The following LAMA3 variants were observed in gnomAD, a reference collection of about 807,000 sequenced individuals.
The protein encoded by LAMA3 is laminin subunit alpha-3.
Under a neutral mutation model 402.0 loss-of-function variants are expected in LAMA3, and 281 were observed. The ratio of observed to expected loss-of-function variants is 0.70; its 90% CI spans 0.63 to 0.77. The LOEUF (loss-of-function observed/expected upper bound fraction) is 0.77, where lower values mean the gene tolerates loss of function less well. Ranked by LOEUF, LAMA3 falls within the 30% of genes least tolerant of loss-of-function variation. The pLI is 0.00. For missense variants in LAMA3, 3,840 were observed against 4,215.5 expected, an observed-to-expected ratio of 0.91 and a Z score of 2.47; for synonymous variants, 1,431 against 1,558.4, an observed-to-expected ratio of 0.92 and a Z score of 1.93.
At chr18:23,721,087 G>T (rs556032242) in intron 2 of LAMA3, among the ~76,000 whole-genome samples, 2 of 152,262 alleles carry the variant, frequency 1.3e-5, no homozygotes, top group Admixed American at 6.5e-5. Flanking sequence ...GAGCCCAGGA[G>T]TTGGAGGCTG....
intron 12 of LAMA3, among the ~76,000 whole-genome samples, chr18:23,790,361 G>T (rs2062627188): frequency 1.3e-5 from 2 of 152,146 alleles, no homozygotes; most frequent in African/African-American, 4.8e-5. Flanking sequence ...TAAATCTCTT[G>T]CAAAGTTCTT....
Position 23,939,436 on chromosome 18 carries a change from G to A in LAMA3, c.9026+50G>A, listed in dbSNP as rs374869225. ...GCACCAGCTCAGAACCTGACTCTGCGATTCCACCTCAGGGAAGTCTGACTG... is the reference window on the plus strand; with the variant it reads ...GCACCAGCTCAGAACCTGACTCTGCAATTCCACCTCAGGGAAGTCTGACTG... On this transcript the variant is annotated intron_variant, in intron 68 of 74. Coordinates refer to ENST00000313654, the MANE Select transcript of LAMA3 (RefSeq NM_198129.4). 209 of 1,580,654 alleles carry A rather than the reference G, an allele frequency of 1.3e-4. 1 individual carries two copies. Among genetic ancestry groups the A allele is most frequent in the Non-Finnish European group, 1.5e-4 (171 of 1,151,228 alleles).
intron 12 of LAMA3, among the ~76,000 whole-genome samples, chr18:23,803,685 G>A (rs2062907948): frequency 1.3e-5 from 2 of 152,174 alleles, no homozygotes; most frequent in African/African-American, 4.8e-5. Context: ...TGAACAACCA[G>A]CACACTGCTC....
At position 23,884,762 on chromosome 18, in the gene LAMA3, CT is replaced by C; in HGVS notation, c.5223-9del. ...TGTTTTTGATGGGGCCTTTTTCTGT[CT>C]TCTTTCAAGCTTTGCCACTGGCTGT... On this transcript the variant is annotated splice_polypyrimidine_tract_variant and intron_variant, in intron 40 of 74. Transcript: ENST00000313654. 1 of 1,612,330 alleles carries C rather than the reference CT, an allele frequency of 6.2e-7. No individual in the cohort carries two copies. The highest frequency in any genetic ancestry group is 2.2e-5 in the East Asian group (1 of 44,858).
intron 11 of LAMA3, among the ~76,000 whole-genome samples, chr18:23,779,913 A>G (rs533665642): frequency 3.2e-4 from 49 of 152,254 alleles, no homozygotes; most frequent in Non-Finnish European, 5.3e-4. Flanking sequence ...GCTGTGCATT[A>G]TTGCACTGTG....
At chr18:23,744,120 G>T (rs931750424) in intron 2 of LAMA3, among the ~76,000 whole-genome samples, 3 of 152,192 alleles carry the variant, frequency 2.0e-5, no homozygotes, top group African/African-American at 4.8e-5. Context: ...ACCTGGCTGT[G>T]AACATAATTA....
Position 23,814,417 on chromosome 18 carries a change from C to G in LAMA3, c.1803C>G (p.Cys601Trp). The G allele has an allele frequency of 6.2e-7, 1 of 1,612,400 alleles. No individual in the cohort carries two copies. Among genetic ancestry groups the G allele is most frequent in the Non-Finnish European group, 8.5e-7 (1 of 1,178,442 alleles). Residue 601 changes from cysteine (C) to tryptophan (W), a missense_variant, in exon 15 of 75, where the codon TGC becomes TGG. Coordinates refer to ENST00000313654, the MANE Select transcript of LAMA3 (RefSeq NM_198129.4). ...TINSNLGYCQ[C>W]KLHVEGPTCS... ...TTCATTCAAAGGGGTATTGCCAATG[C>G]AAGCTTCATGTTGAAGGTCCTACTT... is the stretch of plus-strand genomic sequence containing the variant.
intron 65 of LAMA3, 52 bp downstream of exon 65, chr18:23,931,253 C>T (rs887056852): frequency 1.3e-5 from 21 of 1,556,730 alleles, no homozygotes; most frequent in Non-Finnish European, 1.8e-5. Context: ...TACTCTCTTT[C>T]GTTTAATGGA....
intron 65 of LAMA3, among the ~76,000 whole-genome samples, 198 bp from the exon 66 acceptor site, chr18:23,931,962 C>T (rs1756688440): frequency 6.6e-6 from 1 of 152,186 alleles, no homozygotes; most frequent in Admixed American, 6.5e-5. Context: ...GCAAGATACA[C>T]CCATTTTAAT....
chr18:23,901,986 G>T lies in LAMA3; in HGVS notation c.6201+663G>T, dbSNP rs542518585. The stretch of plus-strand genomic sequence containing the variant: ...TGGGATTACAGGCGTGAGCCACCAT[G>T]CCCGGCCTTATAGTTCATATTTTAA... On this transcript the variant is annotated intron_variant, in intron 48 of 74. Coordinates refer to ENST00000313654, the MANE Select transcript of LAMA3 (RefSeq NM_198129.4). 2.6e-5 allele frequency among the ~76,000 whole-genome samples: 4 copies of T among 152,336 alleles called. No individual in the cohort carries two copies. In the South Asian group the frequency reaches 8.3e-4, roughly 32 times the overall value.
intron 18 of LAMA3, among the ~76,000 whole-genome samples, chr18:23,817,991 T>A (rs934646200): frequency 6.6e-6 from 1 of 151,812 alleles, no homozygotes; most frequent in Non-Finnish European, 1.5e-5. Context: ...CTGTCTCTAC[T>A]AAAAATACAA....
rs2143565753 is a variant in LAMA3 at position 23,750,504 on chromosome 18, C to T, written c.685-414C>T. 2.9e-5 allele frequency among the ~76,000 whole-genome samples: 2 copies of T among 69,248 alleles called. 1 individual carries two copies. Among genetic ancestry groups the T allele is most frequent in the Middle Eastern group, 0.028 (2 of 72 alleles). 45.4% of individuals were successfully genotyped at this position (69,248 alleles called of 152,430 possible). ...GTCAAACTTTATATCTAGAGATTTCCTTTTTTCAACCTCATGTAGATTTTT... is the reference window on the plus strand; with the variant it reads ...GTCAAACTTTATATCTAGAGATTTCTTTTTTTCAACCTCATGTAGATTTTT... On this transcript the variant is annotated intron_variant, in intron 4 of 74. Transcript: ENST00000313654.
At position 23,815,569 on chromosome 18, in the gene LAMA3, T is replaced by A; in HGVS notation, c.2043T>A (p.Cys681Ter). 6.2e-7 allele frequency: 1 copy of A among 1,608,022 alleles called. No individual in the cohort carries two copies. Among genetic ancestry groups the A allele is most frequent in the East Asian group, 2.2e-5 (1 of 44,866 alleles). The change falls in exon 17 of 75, where the codon TGT becomes TGA. Residue 681 changes from cysteine to a stop codon, truncating the protein, a stop_gained. Coordinates refer to ENST00000313654, the MANE Select transcript of LAMA3 (RefSeq NM_198129.4). LOFTEE classifies it high-confidence loss of function. The part of the protein sequence containing the change: ...FALEKSNYFG[C>*]QGCQCDIGGA... ...TGGAAAAGAGCAATTACTTTGGGTG[T>A]CAAGGTAAATAAGTCCATTGGGCCC...
chr18:23,940,930 CTTTCT>C (rs1474290568), intron 68 of LAMA3, among the ~76,000 whole-genome samples: 3 of 121,152 alleles, frequency 2.5e-5, no homozygotes, highest in Admixed American at 1.8e-4. Flanking sequence ...TGACCTCCCT[CTTTCT>C]TTTCTTTTTT....
At chr18:23,703,390 T>A (rs1387269939) in intron 1 of LAMA3, among the ~76,000 whole-genome samples, 1 of 152,150 alleles carries the variant, frequency 6.6e-6, no homozygotes, top group Non-Finnish European at 1.5e-5. Flanking sequence ...CAACTAACGT[T>A]CCATAGCTGT....
chr18:23,858,086 AC>A, intron 33 of LAMA3, 98 bp downstream of exon 33: 4 of 1,390,380 alleles, frequency 2.9e-6, no homozygotes, highest in Non-Finnish European at 4.0e-6. Flanking sequence ...AATGGGACTG[AC>A]CCGTAAGAGA....
At chr18:23,924,543 CTT>C (rs66546657) in intron 62 of LAMA3, among the ~76,000 whole-genome samples, 325 of 89,090 alleles carry the variant, frequency 3.6e-3, no homozygotes, top group East Asian at 5.2e-3. Flanking sequence ...CTTTTTTTTT[CTT>C]TTTTTTTTTT....
intron 35 of LAMA3, among the ~76,000 whole-genome samples, chr18:23,864,486 C>T (rs1395483178): frequency 6.6e-6 from 1 of 152,086 alleles, no homozygotes; most frequent in African/African-American, 2.4e-5. Flanking sequence ...CCTCGGCTTC[C>T]CAAAGTGTGG....
At chr18:23,927,987 A>G (rs2082055240) in intron 62 of LAMA3, 136 bp from the exon 63 acceptor site, 1 of 745,280 alleles carries the variant, frequency 1.3e-6, no homozygotes, top group Admixed American at 1.8e-5. Context: ...CATTATGGGA[A>G]TCCCATGGGA....
Sources: allele counts gnomAD v4.1 joint callset (sites outside exome capture counted in the v4.1 genomes callset), GRCh38; gene constraint gnomAD v4.1.1; transcripts MANE v1.5; gene names NCBI Gene and HGNC (gene_info 2026-07-23, HGNC 2026-07-21).